Variants in PAK1IP1 observed in about 807,000 individuals in gnomAD.
The protein encoded by PAK1IP1 is PAK1 interacting protein 1.
A neutral mutation model predicts 42.0 loss-of-function variants in PAK1IP1; 24 were observed. The observed-to-expected ratio is 0.57, with a 90% CI of 0.41 to 0.80. PAK1IP1 has a LOEUF of 0.80. Ranked by LOEUF, PAK1IP1 falls within the 30% of genes least tolerant of loss-of-function variation. The pLI is 0.00. For missense variants in PAK1IP1, 411 were observed against 467.9 expected (o/e 0.88, Z 1.12); for synonymous variants, 154 against 156.7 (o/e 0.98, Z 0.13).
chr6:10,694,944 C>T (rs199615995), upstream of PAK1IP1: 305 of 1,362,582 alleles, frequency 2.2e-4, 1 homozygote, highest in African/African-American at 3.2e-3. Flanking sequence ...CTGTCACCTC[C>T]AGGCTGAGCC....
upstream of PAK1IP1, among the ~76,000 whole-genome samples, chr6:10,693,678 T>G (rs555202313): frequency 6.6e-6 from 1 of 152,216 alleles, no homozygotes; most frequent in South Asian, 2.1e-4. Context: ...TGGGAGCTTG[T>G]AGGAAAGCTG....
intron 5 of PAK1IP1, among the ~76,000 whole-genome samples, chr6:10,703,802 C>T (rs1441448317): frequency 6.6e-6 from 1 of 152,132 alleles, no homozygotes; most frequent in African/African-American, 2.4e-5. Flanking sequence ...ATAAGGGATA[C>T]TCAACCTGTA....
intron 7 of PAK1IP1, among the ~76,000 whole-genome samples, chr6:10,707,056 G>A (rs1218188499): frequency 6.6e-6 from 1 of 152,170 alleles, no homozygotes; most frequent in Non-Finnish European, 1.5e-5. Context: ...GGAGAGGCCT[G>A]GATTCATCGT....
upstream of PAK1IP1, among the ~76,000 whole-genome samples, chr6:10,692,575 G>C (rs1406259927): frequency 2.0e-5 from 3 of 151,936 alleles, no homozygotes; most frequent in Non-Finnish European, 4.4e-5. Context: ...CGAGTAGCTG[G>C]GACTATAGGC....
intron 8 of PAK1IP1, among the ~76,000 whole-genome samples, chr6:10,708,696 A>C (rs1770282758): frequency 6.7e-6 from 1 of 149,706 alleles, no homozygotes; most frequent in Non-Finnish European, 1.5e-5. Flanking sequence ...CCCACCCCAC[A>C]ACAGGCCCTG....
At chr6:10,701,658 T>C (rs1479610186) in intron 2 of PAK1IP1, among the ~76,000 whole-genome samples, 1 of 152,202 alleles carries the variant, frequency 6.6e-6, no homozygotes. Context: ...GATTGGATTG[T>C]GGCTGATTGG....
chr6:10,697,453 A>G lies in PAK1IP1; in HGVS notation c.214A>G (p.Lys72Glu). ...AATTCACATTTATGACATGAAAAAGAAGATTGAGCATGGGGCTCTAGTGCA... is the reference window on the plus strand; with the variant it reads ...AATTCACATTTATGACATGAAAAAGGAGATTGAGCATGGGGCTCTAGTGCA... ...ETIHIYDMKK[K>E]IEHGALVHHS... The change falls in exon 2 of 10, where the codon AAG becomes GAG. Residue 72 changes from lysine to glutamate, a missense_variant. Coordinates refer to ENST00000379568, the MANE Select transcript of PAK1IP1 (RefSeq NM_017906.3). The G allele has an allele frequency of 3.1e-6, 5 of 1,614,080 alleles. No homozygotes were observed. Among genetic ancestry groups the G allele is most frequent in the Non-Finnish European group, 4.2e-6 (5 of 1,179,928 alleles).
At chr6:10,698,774 T>G (rs1769936280) in intron 2 of PAK1IP1, among the ~76,000 whole-genome samples, 1 of 152,184 alleles carries the variant, frequency 6.6e-6, no homozygotes, top group African/African-American at 2.4e-5. Flanking sequence ...TTTTCTGAGT[T>G]TATTCAGTAA....
At chr6:10,702,685 A>G in intron 4 of PAK1IP1, 46 bp downstream of exon 4, 1 of 1,305,438 alleles carries the variant, frequency 7.7e-7, no homozygotes, top group Non-Finnish European at 1.1e-6. Context: ...TGTGTGTTTT[A>G]CTACAGCTCT....
At chr6:10,705,756 TAC>T (rs1261174323) in intron 7 of PAK1IP1, among the ~76,000 whole-genome samples, 1 of 152,234 alleles carries the variant, frequency 6.6e-6, no homozygotes. Flanking sequence ...TGATCTAATA[TAC>T]AGAGTTAGAT....
Position 10,705,321 on chromosome 6 carries a change from A to G in PAK1IP1, c.740+477A>G, listed in dbSNP as rs549192687. On this transcript the variant is annotated intron_variant, in intron 7 of 9. Coordinates refer to ENST00000379568, the MANE Select transcript of PAK1IP1 (RefSeq NM_017906.3). ...GACAGAGTGAGACTCTGTCTCAAAA[A>G]AAATAATAATAATAATGCAAAAGTG... Among the ~76,000 whole-genome samples the G allele has an allele frequency of 5.3e-5, 8 of 152,260 alleles. No homozygotes were observed. In the South Asian group the frequency reaches 1.5e-3, roughly 28 times the overall value.
upstream of PAK1IP1, chr6:10,694,745 G>A: frequency 2.4e-6 from 1 of 424,926 alleles, no homozygotes; most frequent in East Asian, 4.1e-5. Context: ...TTTTCTCCTT[G>A]CAGTGAGAAC....
chr6:10,704,084 G>A (rs1391648750), intron 5 of PAK1IP1, among the ~76,000 whole-genome samples: 4 of 151,816 alleles, frequency 2.6e-5, no homozygotes, highest in African/African-American at 9.7e-5. Flanking sequence ...GTGCAGTGGC[G>A]CTATCTCAGC....
At chr6:10,695,975 T>G (rs1420729293) in intron 1 of PAK1IP1, among the ~76,000 whole-genome samples, 1 of 152,122 alleles carries the variant, frequency 6.6e-6, no homozygotes, top group African/African-American at 2.4e-5. Flanking sequence ...TTTTTTTTTT[T>G]GTAGTGAAAT....
Position 10,709,689 on chromosome 6 carries a change from G to C in PAK1IP1, c.*237G>C. ...TCATGTTGATATATAATATGTTAAT[G>C]TGTCATGTAATTTTTACTTTGTACA... On this transcript the variant is annotated 3_prime_UTR_variant, in exon 10 of 10. Coordinates refer to ENST00000379568, the MANE Select transcript of PAK1IP1 (RefSeq NM_017906.3). 1 of 264,306 alleles carries C rather than the reference G, an allele frequency of 3.8e-6. No individual in the cohort carries two copies. The highest frequency in any genetic ancestry group is 2.3e-5 in the African/African-American group (1 of 44,120). The allele number at this position is 264,306 out of a possible 1,614,324, so 16.4% of individuals were successfully genotyped here. A position where few individuals can be genotyped will look rare whatever the true frequency, so the allele number is the denominator to read the frequency against.
rs78257234 is a variant in PAK1IP1, at chr6:10,706,348, G to A, written c.741-1067G>A. ...TGAGAATGAGCAAGGAGAAGACGGT[G>A]GAAGCCAATCGGTGCCTGTAATCAT... On this transcript the variant is annotated intron_variant, in intron 7 of 9. Transcript: ENST00000379568. Among the ~76,000 whole-genome samples, 1,169 of 152,102 alleles carry A rather than the reference G, an allele frequency of 7.7e-3. 7 individuals carry two copies. Among genetic ancestry groups the A allele is most frequent in the Non-Finnish European group, 0.012 (819 of 68,010 alleles).
Position 10,709,330 on chromosome 6 carries a change from G to A in PAK1IP1, c.1057G>A (p.Gly353Ser), listed in dbSNP as rs532654988. 1.7e-5 allele frequency: 28 copies of A among 1,613,768 alleles called. No homozygotes were observed. The highest frequency in any genetic ancestry group is 2.7e-5 in the African/African-American group (2 of 74,950). Residue 353 changes from glycine (G) to serine (S), a missense_variant, in exon 10 of 10, where the codon GGT (glycine) becomes AGT (serine). Physicochemically the swap from Gly to Ser is moderately conservative, Grantham distance 56 (BLOSUM62 0). Coordinates refer to ENST00000379568, the MANE Select transcript of PAK1IP1 (RefSeq NM_017906.3). ...GTCAAAACCTAACACAAAGAAACGC[G>A]GTTTAACAGGTGACAGTAAGAAAGC... ...KRSKPNTKKR[G>S]LTGDSKKATK...
rs911468120 is a variant in PAK1IP1, at chr6:10,709,759, A to G, written c.*307A>G. The G allele has an allele frequency of 1.2e-5, 2 of 167,396 alleles. No individual in the cohort carries two copies. Among genetic ancestry groups the G allele is most frequent in the African/African-American group, 4.8e-5 (2 of 41,942 alleles). 10.4% of individuals were successfully genotyped at this position (167,396 alleles called of 1,614,324 possible). ...TCAAAATATACTGTAAAATAATATA[A>G]AATATTGAACACATTCTTTATCAGA... On this transcript the variant is annotated 3_prime_UTR_variant, in exon 10 of 10. Coordinates refer to ENST00000379568, the MANE Select transcript of PAK1IP1 (RefSeq NM_017906.3).
At chr6:10,694,920 T>G, upstream of PAK1IP1, 7 of 949,510 alleles carry the variant, frequency 7.4e-6, no homozygotes, top group Non-Finnish European at 1.1e-5. Context: ...TTTTTTTTTT[T>G]TTGGTTTCCG....
Sources: gnomAD v4.1 joint callset for allele counts (sites outside exome capture counted in the v4.1 genomes callset) on GRCh38, gnomAD v4.1.1 for gene constraint, MANE v1.5 for transcripts, NCBI Gene and HGNC (gene_info 2026-07-23, HGNC 2026-07-21) for gene names.